The following BBX variants were observed in gnomAD, a reference collection of about 807,000 sequenced individuals.
The protein encoded by BBX is BBX high mobility group box domain containing, also known as HMG box transcription factor BBX.
Under a neutral mutation model 100.2 loss-of-function variants are expected in BBX, and 30 were observed. The ratio of observed to expected loss-of-function variants is 0.30; its 90% CI spans 0.22 to 0.41. The LOEUF (loss-of-function observed/expected upper bound fraction) is 0.41, where lower values mean the gene tolerates loss of function less well. Ranked by LOEUF, BBX falls within the 10% of genes least tolerant of loss-of-function variation. BBX has a pLI of 1.00. For missense variants in BBX, 1,023 were observed against 1,129.8 expected, an observed-to-expected ratio of 0.91 and a Z score of 1.35; for synonymous variants, 376 against 388.1, an observed-to-expected ratio of 0.97 and a Z score of 0.37.
intron 2 of BBX, among the ~76,000 whole-genome samples, chr3:107,555,721 G>C (rs1490905766): frequency 1.3e-5 from 2 of 152,138 alleles, no homozygotes; most frequent in East Asian, 3.8e-4. Flanking sequence ...AATGCTGAAA[G>C]CGTCTCTGGT....
At chr3:107,590,282 A>G (rs1336211034) in intron 2 of BBX, among the ~76,000 whole-genome samples, 2 of 152,192 alleles carry the variant, frequency 1.3e-5, no homozygotes, top group Non-Finnish European at 2.9e-5. Flanking sequence ...TAGTGACTGT[A>G]CATATATGGG....
intron 17 of BBX, 144 bp downstream of exon 17, chr3:107,801,425 A>G (rs1180037625): frequency 2.4e-6 from 2 of 830,456 alleles, no homozygotes; most frequent in East Asian, 2.7e-5. Context: ...ACAAAAGCAT[A>G]TATGCTAATT....
At chr3:107,635,550 G>A (rs1313476678) in intron 2 of BBX, among the ~76,000 whole-genome samples, 2 of 152,140 alleles carry the variant, frequency 1.3e-5, no homozygotes, top group African/African-American at 4.8e-5. Context: ...AAACTGATAT[G>A]TGTAGTAAAA....
chr3:107,704,058 T>A (rs1199045724), intron 3 of BBX, among the ~76,000 whole-genome samples: 1 of 152,194 alleles, frequency 6.6e-6, no homozygotes, highest in African/African-American at 2.4e-5. Context: ...GTTTCCTGGG[T>A]CCAGTTCTGG....
chr3:107,551,720 CATTT>C (rs2049698722), intron 2 of BBX, among the ~76,000 whole-genome samples: 1 of 152,208 alleles, frequency 6.6e-6, no homozygotes, highest in Non-Finnish European at 1.5e-5. Context: ...TTAGTTTTCT[CATTT>C]ATAAATAAGA....
At chr3:107,685,597 AC>A (rs1269904655) in intron 3 of BBX, among the ~76,000 whole-genome samples, 1 of 152,188 alleles carries the variant, frequency 6.6e-6, no homozygotes, top group Non-Finnish European at 1.5e-5. Flanking sequence ...TGAGTAATGG[AC>A]CTTGATTTCC....
chr3:107,716,386 A>G, intron 4 of BBX: 1 of 556,566 alleles, frequency 1.8e-6, no homozygotes, highest in Non-Finnish European at 3.2e-6. Flanking sequence ...TGTAATAGAG[A>G]CATGCACAGG....
chr3:107,782,462 A>G (rs1191155465), intron 13 of BBX, among the ~76,000 whole-genome samples: 2 of 152,046 alleles, frequency 1.3e-5, no homozygotes, highest in African/African-American at 2.4e-5. Context: ...AGCCACCACC[A>G]CCAGAGTTAC....
intron 2 of BBX, among the ~76,000 whole-genome samples, chr3:107,626,813 G>T (rs1299354772): frequency 6.6e-6 from 1 of 151,806 alleles, no homozygotes; most frequent in East Asian, 1.9e-4. Context: ...CACCACCACG[G>T]CTGACTAATT....
intron 15 of BBX, among the ~76,000 whole-genome samples, chr3:107,794,411 G>A (rs894589027): frequency 1.5e-4 from 22 of 151,270 alleles, no homozygotes; most frequent in Non-Finnish European, 2.9e-4. Flanking sequence ...TTCAAATATT[G>A]AAAATATAAA....
chr3:107,750,096 G>A (rs1374143083), intron 9 of BBX, among the ~76,000 whole-genome samples: 3 of 152,012 alleles, frequency 2.0e-5, no homozygotes, highest in Non-Finnish European at 4.4e-5. Context: ...TTGCTGCTCC[G>A]TACACTAATT....
chr3:107,569,689 T>C (rs2051198879), intron 2 of BBX, among the ~76,000 whole-genome samples: 2 of 151,810 alleles, frequency 1.3e-5, no homozygotes, highest in Non-Finnish European at 2.9e-5. Context: ...GGCATCAGAG[T>C]TGGGGAGTTT....
chr3:107,759,718 C>T (rs1033739295), intron 10 of BBX, among the ~76,000 whole-genome samples: 1 of 152,132 alleles, frequency 6.6e-6, no homozygotes, highest in Non-Finnish European at 1.5e-5. Flanking sequence ...TGTGTATATA[C>T]ACATATTTTT....
chr3:107,603,827 T>C (rs2054238499), intron 2 of BBX, among the ~76,000 whole-genome samples: 1 of 152,150 alleles, frequency 6.6e-6, no homozygotes, highest in Admixed American at 6.5e-5. Flanking sequence ...TTTTAAAATA[T>C]AAGATATTTT....
At chr3:107,657,134 T>C (rs1353939624) in intron 3 of BBX, 1 of 152,174 alleles carries the variant, frequency 6.6e-6, no homozygotes, top group Non-Finnish European at 1.5e-5. Flanking sequence ...AAGGTAGACA[T>C]TGGAAAGACT....
At chr3:107,620,187 T>C (rs1205290219) in intron 2 of BBX, among the ~76,000 whole-genome samples, 1 of 152,188 alleles carries the variant, frequency 6.6e-6, no homozygotes, top group Non-Finnish European at 1.5e-5. Context: ...GCCCATTTGT[T>C]AAATTTTTTA....
At chr3:107,575,939 G>A (rs141187410) in intron 2 of BBX, among the ~76,000 whole-genome samples, 2,175 of 152,296 alleles carry the variant, frequency 0.014, 21 homozygotes, top group Non-Finnish European at 0.021. Context: ...ATGAGGCTGA[G>A]GCAGGAGAAT....
chr3:107,605,880 G>C (rs1221572039), intron 2 of BBX, among the ~76,000 whole-genome samples: 1 of 152,038 alleles, frequency 6.6e-6, no homozygotes, highest in African/African-American at 2.4e-5. Context: ...CTATTTTCTT[G>C]TCCCCAAGCT....
At chr3:107,782,966 C>G (rs764819164) in intron 13 of BBX, among the ~76,000 whole-genome samples, 21 of 152,044 alleles carry the variant, frequency 1.4e-4, no homozygotes, top group Non-Finnish European at 2.2e-4. Flanking sequence ...CTGAATGATT[C>G]CTTCTAAAAG....
Sources: gnomAD v4.1 joint callset for allele counts (sites outside exome capture counted in the v4.1 genomes callset) on GRCh38, gnomAD v4.1.1 for gene constraint, MANE v1.5 for transcripts, NCBI Gene and HGNC (gene_info 2026-07-23, HGNC 2026-07-21) for gene names.